TRPM4: variants seen among roughly 807,000 people sequenced by gnomAD.
The protein encoded by TRPM4 is transient receptor potential cation channel subfamily M member 4, also known as calcium-activated non-selective cation channel 1.
TRPM4 carries 124 observed loss-of-function variants against 135.6 expected under a neutral mutation model. That is an observed-to-expected ratio of 0.91 (90% CI 0.79 to 1.06). TRPM4 has a LOEUF of 1.06. TRPM4 is among the 50% of genes least tolerant of loss of function. The pLI is 0.00. For synonymous variants in TRPM4, 745 were observed against 705.6 expected (o/e 1.06, Z -0.88); for missense variants, 1,658 against 1,671.4 (o/e 0.99, Z 0.14).
At chr19:49,204,842 G>A (rs112084089) in intron 20 of TRPM4, among the ~76,000 whole-genome samples, 9,351 of 150,050 alleles carry the variant, frequency 0.062, 861 homozygotes, top group African/African-American at 0.2. Flanking sequence ...GATTACAGGC[G>A]TGAGCCACCG....
chr19:49,179,086 C>T (rs1191403413), intron 9 of TRPM4, among the ~76,000 whole-genome samples: 2 of 139,558 alleles, frequency 1.4e-5, no homozygotes, highest in Admixed American at 7.2e-5. Flanking sequence ...AACAGAGTTT[C>T]GCTCTGTTGC....
chr19:49,169,708 C>T (rs1967380929), intron 6 of TRPM4, among the ~76,000 whole-genome samples: 1 of 152,046 alleles, frequency 6.6e-6, no homozygotes, highest in Admixed American at 6.6e-5. Context: ...TGAGCCACTG[C>T]ACCTGGCTCC....
chr19:49,209,052 G>A (rs1203050663), intron 20 of TRPM4, among the ~76,000 whole-genome samples: 1 of 151,742 alleles, frequency 6.6e-6, no homozygotes, highest in Non-Finnish European at 1.5e-5. Context: ...CCCACACCTT[G>A]TTCTATTAAT....
chr19:49,210,135 C>G lies in TRPM4; in HGVS notation c.3132-74C>G. 7.0e-7 allele frequency: 1 copy of G among 1,426,568 alleles called. No homozygotes were observed. Among genetic ancestry groups the G allele is most frequent in the Non-Finnish European group, 9.9e-7 (1 of 1,008,838 alleles). The allele number at this position is 1,426,568 out of a possible 1,614,324, so 88.4% of individuals were successfully genotyped here. A position where few individuals can be genotyped will look rare whatever the true frequency, so the allele number is the denominator to read the frequency against. ...CTGCTATAGACTGAACAATTATTGC[C>G]TGGCATCTAACCTTCGTCCTTGCCC... On this transcript the variant is annotated intron_variant, in intron 20 of 24. Coordinates refer to ENST00000252826, the MANE Select transcript of TRPM4 (RefSeq NM_017636.4). The surrounding 1 kb of genome is among the most constrained non-coding windows in gnomAD (Gnocchi z 4.1).
rs772062913 is a variant in TRPM4 at position 49,175,067 on chromosome 19, C to CTTTTTTTTTT, written c.1150+2975_1150+2984dup. On this transcript the variant is annotated intron_variant, in intron 9 of 24. Transcript: ENST00000252826. ...CACAGGCATGTGCCATCATGCCTGG[C>CTTTTTTTTTT]TTTTTTTTTTTTTTTTTTTTTTTTT... Among the ~76,000 whole-genome samples the CTTTTTTTTTT allele has an allele frequency of 7.0e-4, 54 of 77,582 alleles. 4 individuals are homozygous for CTTTTTTTTTT. The highest frequency in any genetic ancestry group is 1.7e-3 in the East Asian group (4 of 2,388). 50.9% of individuals were successfully genotyped at this position (77,582 alleles called of 152,430 possible).
intron 19 of TRPM4, 126 bp from the exon 20 acceptor site, chr19:49,201,838 G>A: frequency 2.1e-6 from 2 of 966,510 alleles, no homozygotes; most frequent in Non-Finnish European, 3.3e-6. Context: ...CACCTCAGGT[G>A]ATCCGGCCAT....
intron 16 of TRPM4, among the ~76,000 whole-genome samples, chr19:49,191,712 C>G (rs1367681542): frequency 6.6e-6 from 1 of 151,996 alleles, no homozygotes; most frequent in Non-Finnish European, 1.5e-5. Context: ...ATTGGCCAGG[C>G]TGGTCTTGAA....
At chr19:49,204,267 T>C (rs977710666) in intron 20 of TRPM4, among the ~76,000 whole-genome samples, 3 of 152,226 alleles carry the variant, frequency 2.0e-5, no homozygotes, top group East Asian at 1.9e-4. Context: ...CCTTTGGGTG[T>C]GTATCTCAAA....
chr19:49,183,537 CA>C (rs1042420342), intron 12 of TRPM4, among the ~76,000 whole-genome samples: 7 of 151,940 alleles, frequency 4.6e-5, no homozygotes, highest in African/African-American at 1.7e-4. Context: ...GCTGGGATTA[CA>C]GGCACCTGCC....
chr19:49,172,358 A>G (rs1053875049), intron 9 of TRPM4, among the ~76,000 whole-genome samples: 9 of 152,012 alleles, frequency 5.9e-5, no homozygotes, highest in Non-Finnish European at 1.0e-4. Flanking sequence ...ATCCATCCAC[A>G]TGTACAGATC....
At chr19:49,161,784 C>G (rs1175458546) in intron 2 of TRPM4, among the ~76,000 whole-genome samples, 2 of 152,148 alleles carry the variant, frequency 1.3e-5, no homozygotes, top group Admixed American at 6.6e-5. Context: ...CACCCACCAT[C>G]ACGCCTGGCT....
intron 2 of TRPM4, among the ~76,000 whole-genome samples, chr19:49,161,429 C>T (rs1966960710): frequency 6.8e-6 from 1 of 146,752 alleles, no homozygotes; most frequent in East Asian, 2.0e-4. Context: ...CTCAAGCGAT[C>T]CTCCCACATG....
intron 20 of TRPM4, among the ~76,000 whole-genome samples, chr19:49,206,448 C>CT (rs1419871835): frequency 9.8e-4 from 98 of 100,164 alleles, no homozygotes; most frequent in African/African-American, 3.5e-3. Context: ...TTTTTTTTTT[C>CT]TTTTTTTTGA....
At position 49,157,809 on chromosome 19, in the gene TRPM4, G is replaced by C; in HGVS notation, c.-58G>C. Reference sequence around the variant, plus strand: ...TGCTCTGGGCGGGTCTGGAAGCAGAGCCGGCGGAGGGAGCGCCGGGGCCCT... The same window carrying C: ...TGCTCTGGGCGGGTCTGGAAGCAGACCCGGCGGAGGGAGCGCCGGGGCCCT... On this transcript the variant is annotated 5_prime_UTR_variant, in exon 1 of 25. Transcript: ENST00000252826. The C allele has an allele frequency of 6.5e-7, 1 of 1,533,032 alleles. No homozygotes were observed. The highest frequency in any genetic ancestry group is 1.2e-5 in the South Asian group (1 of 83,872). 95.0% of individuals were successfully genotyped at this position (1,533,032 alleles called of 1,614,324 possible).
At chr19:49,167,535 G>C (rs796365703) in intron 3 of TRPM4, 100 of 165,648 alleles carry the variant, frequency 6.0e-4, no homozygotes, top group African/African-American at 2.7e-3. Flanking sequence ...CTTTGTCCCC[G>C]TCTCTCTGGG....
In TRPM4 at chr19:49,200,622, GTTC is replaced by G. The variant is rs753722479; in HGVS notation, c.2797_2799del (p.Phe933del). The G allele has an allele frequency of 1.6e-5, 26 of 1,613,100 alleles. No homozygotes were observed. Among genetic ancestry groups the G allele is most frequent in the East Asian group, 4.5e-5 (2 of 44,898 alleles). ...ACATCTCCCCACAGATGAAGGACGT[GTTC>G]TTCTTCCTCTTCTTCCTCGGCGTGT... On this transcript the variant is annotated inframe_deletion, in exon 19 of 25. Transcript: ENST00000252826.
chr19:49,182,809 C>T lies in TRPM4; in HGVS notation c.1495C>T (p.Arg499Trp), dbSNP rs371377895. 81 of 1,612,908 alleles carry T rather than the reference C, an allele frequency of 5.0e-5. No individual in the cohort carries two copies. Among genetic ancestry groups the T allele is most frequent in the Non-Finnish European group, 6.3e-5 (74 of 1,179,438 alleles). Reference sequence around the variant, plus strand: ...CCTAAAAGGGGGAGCTGCGGAGCTCCGGCCCCCTGACGTGGGGCATGTGCT... The same window carrying T: ...CCTAAAAGGGGGAGCTGCGGAGCTCTGGCCCCCTGACGTGGGGCATGTGCT... The part of the protein sequence containing the change: ...PALKGGAAEL[R>W]PPDVGHVLRM... The change falls in exon 11 of 25, where the codon CGG becomes TGG. Residue 499 changes from arginine to tryptophan, a missense_variant. Physicochemically the swap from Arg to Trp is moderately radical, Grantham distance 101. This residue lies in a region of TRPM4 where 1,412 missense variants were observed against 1,408.7 expected (regional missense o/e 1.00). Transcript: ENST00000252826.
At chr19:49,208,563 T>C (rs1969236065) in intron 20 of TRPM4, among the ~76,000 whole-genome samples, 2 of 152,122 alleles carry the variant, frequency 1.3e-5, no homozygotes, top group South Asian at 4.1e-4. Context: ...CTGTATGGCT[T>C]GGTTTTTCCT....
chr19:49,169,064 G>T (rs1967350783), intron 6 of TRPM4, among the ~76,000 whole-genome samples: 1 of 150,680 alleles, frequency 6.6e-6, no homozygotes, highest in Admixed American at 6.6e-5. Context: ...GCCAGGTGTG[G>T]TGTCGTGTGC....
Sources: gnomAD v4.1 joint callset for allele counts (sites outside exome capture counted in the v4.1 genomes callset) on GRCh38, gnomAD v4.1.1 for gene constraint, gnomAD v4.1.1 regional missense constraint, Gnocchi (gnomAD v3.1) non-coding constraint, MANE v1.5 for transcripts, NCBI Gene and HGNC (gene_info 2026-07-23, HGNC 2026-07-21) for gene names.